CADM1: variants seen among roughly 807,000 people sequenced by gnomAD.
CADM1 encodes the protein TSLC-1.
Under a neutral mutation model 53.1 loss-of-function variants are expected in CADM1, and 15 were observed. That is an observed-to-expected ratio of 0.28 (90% CI 0.19 to 0.44). CADM1 has a LOEUF of 0.44. Among genes scored for constraint, CADM1 ranks in the 20% least tolerant of loss-of-function variants. The pLI is 1.00. For synonymous variants in CADM1, 281 were observed against 243.0 expected, an observed-to-expected ratio of 1.16 and a Z score of -1.45; for missense variants, 434 against 611.3, an observed-to-expected ratio of 0.71 and a Z score of 3.06.
rs537082456 is a variant in CADM1 at position 115,377,689 on chromosome 11, A to G, written c.124+126582T>C. On this transcript the variant is annotated intron_variant, in intron 1 of 11. Coordinates refer to ENST00000331581, the MANE Select transcript of CADM1 (RefSeq NM_001301043.2). ...TCCATTATTCAAGAAGGAAACTAGT[A>G]TTCTCACTTTATTTTTTTCTGAATG... 2.9e-3 allele frequency: 439 copies of G among 152,318 alleles called. 3 individuals are homozygous for G. Among genetic ancestry groups the G allele is most frequent in the African/African-American group, 0.01 (424 of 41,588 alleles). 9.4% of individuals were successfully genotyped at this position (152,318 alleles called of 1,614,324 possible).
chr11:115,226,253 C>T (rs916804136), intron 5 of CADM1, among the ~76,000 whole-genome samples: 1 of 152,120 alleles, frequency 6.6e-6, no homozygotes, highest in African/African-American at 2.4e-5. Context: ...AATAAAGTGA[C>T]TTAAAGAAAA....
At chr11:115,327,920 T>C (rs1945002889) in intron 1 of CADM1, among the ~76,000 whole-genome samples, 1 of 152,168 alleles carries the variant, frequency 6.6e-6, no homozygotes. Context: ...TGGAATGCTA[T>C]ATGGTTCTTT....
intron 1 of CADM1, among the ~76,000 whole-genome samples, chr11:115,268,970 G>A (rs193175914): frequency 9.5e-4 from 145 of 152,192 alleles, no homozygotes; most frequent in Admixed American, 1.4e-3. Context: ...GGTTGGCTAC[G>A]TGGCCCAGCA....
At chr11:115,217,023 G>A (rs1043587315) in intron 6 of CADM1, among the ~76,000 whole-genome samples, 1 of 152,184 alleles carries the variant, frequency 6.6e-6, no homozygotes, top group Non-Finnish European at 1.5e-5. Flanking sequence ...TACCACTAAA[G>A]TTTGAGCGTC....
At chr11:115,501,064 CCT>C (rs1949715946) in intron 1 of CADM1, among the ~76,000 whole-genome samples, 1 of 152,184 alleles carries the variant, frequency 6.6e-6, no homozygotes, top group African/African-American at 2.4e-5. Context: ...TTATTCCCCC[CCT>C]TTTTCGTATT....
intron 9 of CADM1, among the ~76,000 whole-genome samples, chr11:115,197,944 ATCTTC>A (rs1940239270): frequency 1.3e-5 from 2 of 152,192 alleles, no homozygotes; most frequent in Non-Finnish European, 2.9e-5. Flanking sequence ...TTAAACAGGA[ATCTTC>A]TTCCCTGGTC....
At chr11:115,427,104 T>C (rs942932796) in intron 1 of CADM1, among the ~76,000 whole-genome samples, 2 of 152,124 alleles carry the variant, frequency 1.3e-5, no homozygotes, top group African/African-American at 4.8e-5. Flanking sequence ...CAGCCAAGCA[T>C]AGCAGATATA....
chr11:115,438,690 T>C (rs893788485), intron 1 of CADM1, among the ~76,000 whole-genome samples: 5 of 152,062 alleles, frequency 3.3e-5, no homozygotes, highest in Non-Finnish European at 5.9e-5. Flanking sequence ...TAATAAACTG[T>C]TAGAGAACTT....
At chr11:115,474,703 T>TGGGGGGA (rs1949091372) in intron 1 of CADM1, among the ~76,000 whole-genome samples, 2 of 56,190 alleles carry the variant, frequency 3.6e-5, no homozygotes, top group Non-Finnish European at 6.5e-5. Context: ...AGTCGTGGGG[T>TGGGGGGA]GGGGGGAGGG....
rs1938941380 is a variant in CADM1 at position 115,174,732 on chromosome 11, TAATAG to T, written c.*1737_*1741del. The stretch of plus-strand genomic sequence containing the variant: ...AATCCAAAATTACTCACTGAAAATG[TAATAG>T]AATATATATTTATATATATATATAG... On this transcript the variant is annotated 3_prime_UTR_variant, in exon 12 of 12. Coordinates refer to ENST00000331581, the MANE Select transcript of CADM1 (RefSeq NM_001301043.2). 1 of 886,930 alleles carries T rather than the reference TAATAG, an allele frequency of 1.1e-6. No homozygotes were observed. Among genetic ancestry groups the T allele is most frequent in the Non-Finnish European group, 1.4e-6 (1 of 739,978 alleles). The allele number at this position is 886,930 out of a possible 1,614,324, so 54.9% of individuals were successfully genotyped here.
intron 1 of CADM1, among the ~76,000 whole-genome samples, chr11:115,406,071 T>G (rs1484995911): frequency 6.6e-6 from 1 of 152,232 alleles, no homozygotes; most frequent in African/African-American, 2.4e-5. Context: ...AATTAGCTTT[T>G]GCTTAACTTT....
chr11:115,504,186 A>C (rs1245835988), intron 1 of CADM1, 85 bp downstream of exon 1: 15 of 1,537,010 alleles, frequency 9.8e-6, no homozygotes, highest in Non-Finnish European at 1.3e-5. Flanking sequence ...GGAGGTTGTC[A>C]TGGAAACGTT....
chr11:115,169,837 A>G lies in CADM1; in HGVS notation c.*6637T>C. ...TAAACGATGAAATACACAACTACAGAGAAAACAAACCAAAAAGAGTAATAA... is the reference window on the plus strand; with the variant it reads ...TAAACGATGAAATACACAACTACAGGGAAAACAAACCAAAAAGAGTAATAA... On this transcript the variant is annotated 3_prime_UTR_variant, in exon 12 of 12. Coordinates refer to ENST00000331581, the MANE Select transcript of CADM1 (RefSeq NM_001301043.2). 3.6e-6 allele frequency: 1 copy of G among 274,860 alleles called. No homozygotes were observed. The highest frequency in any genetic ancestry group is 3.5e-5 in the South Asian group (1 of 28,308). 17.0% of individuals were successfully genotyped at this position (274,860 alleles called of 1,614,324 possible).
chr11:115,450,290 AC>A (rs1237775948), intron 1 of CADM1, among the ~76,000 whole-genome samples: 3 of 152,208 alleles, frequency 2.0e-5, no homozygotes, highest in Admixed American at 2.0e-4. Context: ...TGTTTCCTTC[AC>A]TTGCATCCAA....
intron 5 of CADM1, among the ~76,000 whole-genome samples, chr11:115,225,359 G>A (rs1349513773): frequency 2.0e-5 from 3 of 152,020 alleles, no homozygotes; most frequent in Non-Finnish European, 4.4e-5. Flanking sequence ...TCAACACCTT[G>A]CTGAACAAAA....
intron 1 of CADM1, among the ~76,000 whole-genome samples, chr11:115,265,084 G>T (rs972264138): frequency 6.6e-6 from 1 of 152,134 alleles, no homozygotes; most frequent in Non-Finnish European, 1.5e-5. Context: ...GTTTGCTCTC[G>T]AAATATTGTT....
At chr11:115,442,227 A>T (rs150545620) in intron 1 of CADM1, among the ~76,000 whole-genome samples, 8 of 152,102 alleles carry the variant, frequency 5.3e-5, no homozygotes, top group African/African-American at 1.9e-4. Flanking sequence ...AGTGAACATC[A>T]CAGAGAATAA....
intron 1 of CADM1, among the ~76,000 whole-genome samples, chr11:115,457,426 A>C (rs556590807): frequency 6.6e-6 from 1 of 152,270 alleles, no homozygotes; most frequent in African/African-American, 2.4e-5. Context: ...CAGGGTAAGA[A>C]CTCCAAAAGA....
At chr11:115,210,522 A>G (rs1940910704) in intron 7 of CADM1, among the ~76,000 whole-genome samples, 1 of 152,172 alleles carries the variant, frequency 6.6e-6, no homozygotes, top group South Asian at 2.1e-4. Context: ...AATATGAAAG[A>G]GAAAAAAAAA....
Sources: allele counts gnomAD v4.1 joint callset (sites outside exome capture counted in the v4.1 genomes callset), GRCh38; gene constraint gnomAD v4.1.1; transcripts MANE v1.5; gene names NCBI Gene and HGNC (gene_info 2026-07-23, HGNC 2026-07-21).